Variants in CTNNA3 observed in about 807,000 individuals in gnomAD.
The protein encoded by CTNNA3 is catenin alpha-3.
A neutral mutation model predicts 95.7 loss-of-function variants in CTNNA3; 76 were observed. The observed-to-expected ratio is 0.79, with a 90% CI of 0.66 to 0.96. The LOEUF (loss-of-function observed/expected upper bound fraction) is 0.96. CTNNA3 is among the 40% of genes least tolerant of loss of function. The pLI is 0.00. For synonymous variants in CTNNA3, 431 were observed against 374.4 expected (o/e 1.15, Z -1.74); for missense variants, 1,191 against 1,089.8 (o/e 1.09, Z -1.31).
chr10:66,809,052 A>T (rs79095892), intron 7 of CTNNA3, among the ~76,000 whole-genome samples: 2 of 151,768 alleles, frequency 1.3e-5, no homozygotes, highest in Admixed American at 6.6e-5. Flanking sequence ...TTATATGAAG[A>T]CTCTCAGTGT....
At chr10:67,206,251 T>A (rs1863896879) in intron 6 of CTNNA3, among the ~76,000 whole-genome samples, 1 of 152,198 alleles carries the variant, frequency 6.6e-6, no homozygotes, top group Non-Finnish European at 1.5e-5. Flanking sequence ...AGAACATGTA[T>A]CTAATGGGTT....
intron 2 of CTNNA3, among the ~76,000 whole-genome samples, chr10:67,611,928 G>T (rs566708182): frequency 1.3e-5 from 2 of 152,116 alleles, no homozygotes; most frequent in Non-Finnish European, 2.9e-5. Context: ...AATTAGAAGG[G>T]TAGAAAAATA....
intron 12 of CTNNA3, among the ~76,000 whole-genome samples, chr10:66,333,919 G>T (rs1426522374): frequency 6.6e-6 from 1 of 151,972 alleles, no homozygotes; most frequent in East Asian, 1.9e-4. Context: ...GCTCCTGTAT[G>T]TGGTGTATAT....
intron 9 of CTNNA3, among the ~76,000 whole-genome samples, chr10:66,657,830 A>G (rs543278735): frequency 6.6e-6 from 1 of 152,324 alleles, no homozygotes; most frequent in East Asian, 1.9e-4. Flanking sequence ...TTACAAAGCT[A>G]CCGTATGGGA....
chr10:66,507,666 C>A (rs1170468766), intron 11 of CTNNA3, among the ~76,000 whole-genome samples: 1 of 152,020 alleles, frequency 6.6e-6, no homozygotes, highest in Admixed American at 6.6e-5. Context: ...ATGTTACCAA[C>A]GACAATATTT....
chr10:66,748,350 C>A (rs1259937959), intron 9 of CTNNA3, among the ~76,000 whole-genome samples: 1 of 152,072 alleles, frequency 6.6e-6, no homozygotes, highest in African/African-American at 2.4e-5. Flanking sequence ...CTGCTCCTTG[C>A]CAATGTAGTT....
chr10:66,709,787 C>T (rs1037978373), intron 9 of CTNNA3, among the ~76,000 whole-genome samples: 3 of 151,992 alleles, frequency 2.0e-5, no homozygotes, highest in African/African-American at 7.2e-5. Flanking sequence ...ACATGAAGTA[C>T]ATATTAAGAG....
At position 66,220,204 on chromosome 10, in the gene CTNNA3, G is replaced by A. The variant is rs868002903; in HGVS notation, c.1884+60266C>T. On this transcript the variant is annotated intron_variant, in intron 13 of 17. Coordinates refer to ENST00000433211, the MANE Select transcript of CTNNA3 (RefSeq NM_013266.4). The stretch of plus-strand genomic sequence containing the variant: ...AGATTTATCTGACACAGAAATAACT[G>A]GAGTTTTTCCCAAAAAATGTGGTTT... Among the ~76,000 whole-genome samples the A allele has an allele frequency of 2.0e-5, 3 of 150,128 alleles. No homozygotes were observed. In the South Asian group the frequency reaches 6.5e-4, roughly 32 times the overall value.
chr10:66,263,551 A>T (rs1005530088), intron 13 of CTNNA3, among the ~76,000 whole-genome samples: 3 of 152,138 alleles, frequency 2.0e-5, no homozygotes, highest in Middle Eastern at 6.8e-3. Context: ...TATTGTAAGG[A>T]CAACATAAAG....
intron 7 of CTNNA3, among the ~76,000 whole-genome samples, chr10:67,157,160 G>A (rs1213938567): frequency 6.6e-6 from 1 of 152,038 alleles, no homozygotes; most frequent in East Asian, 1.9e-4. Context: ...AAGTTAAATT[G>A]TCTCTGAAGA....
intron 9 of CTNNA3, among the ~76,000 whole-genome samples, chr10:66,710,232 C>G (rs536604155): frequency 6.6e-6 from 1 of 152,260 alleles, no homozygotes; most frequent in African/African-American, 2.4e-5. Context: ...CTGCAGGCAT[C>G]TCAAGGTCAC....
At chr10:65,958,473 T>C (rs1366962605) in intron 17 of CTNNA3, among the ~76,000 whole-genome samples, 4 of 152,206 alleles carry the variant, frequency 2.6e-5, no homozygotes, top group East Asian at 3.9e-4. Context: ...GATGCTCTGA[T>C]TTTTAGAATT....
chr10:66,244,790 G>A (rs561957585), intron 13 of CTNNA3, among the ~76,000 whole-genome samples: 9 of 152,300 alleles, frequency 5.9e-5, no homozygotes, highest in Non-Finnish European at 1.0e-4. Context: ...AAGGCAGACT[G>A]TGAAGACTAA....
chr10:66,613,696 A>G (rs546500537), intron 10 of CTNNA3, among the ~76,000 whole-genome samples: 4 of 151,936 alleles, frequency 2.6e-5, no homozygotes, highest in African/African-American at 9.7e-5. Flanking sequence ...ACCTCATTTA[A>G]GTCTTTTTTA....
chr10:67,596,597 G>A (rs1157298506), intron 3 of CTNNA3, among the ~76,000 whole-genome samples: 1 of 152,188 alleles, frequency 6.6e-6, no homozygotes, highest in Non-Finnish European at 1.5e-5. Context: ...ATATAGGCCT[G>A]TAGTCTCTTC....
Position 65,966,677 on chromosome 10 carries a change from G to C in CTNNA3, c.2335C>G (p.Leu779Val), listed in dbSNP as rs1405320176. 1.2e-6 allele frequency: 2 copies of C among 1,613,876 alleles called. No individual in the cohort carries two copies. Among genetic ancestry groups the C allele is most frequent in the Non-Finnish European group, 1.7e-6 (2 of 1,179,820 alleles). Residue 779 changes from leucine (L) to valine (V), a missense_variant, in exon 17 of 18, where the codon CTG becomes GTG. Transcript: ENST00000433211. ...GCTTTAACTTGACTGCAGATTTTCA[G>C]TTGGTGGGAGTAGAACTTAATCTGT... is the stretch of plus-strand genomic sequence containing the variant. ...LEQIKFYSHQ[L>V]KICSQVKAEI...
intron 10 of CTNNA3, among the ~76,000 whole-genome samples, chr10:66,535,369 C>T (rs879395286): frequency 2.0e-5 from 3 of 152,108 alleles, no homozygotes; most frequent in Non-Finnish European, 2.9e-5. Context: ...GGCTATGGTT[C>T]TTAATTACAG....
chr10:67,369,633 A>G (rs1843343853), intron 5 of CTNNA3, among the ~76,000 whole-genome samples: 1 of 152,230 alleles, frequency 6.6e-6, no homozygotes, highest in African/African-American at 2.4e-5. Context: ...AAAAGCTCCT[A>G]AAAATCAGTA....
intron 5 of CTNNA3, among the ~76,000 whole-genome samples, chr10:67,511,031 C>T (rs908172767): frequency 6.6e-6 from 1 of 152,098 alleles, no homozygotes; most frequent in Non-Finnish European, 1.5e-5. Context: ...GTGATTTTTG[C>T]ACATTGATTT....
Sources: allele counts gnomAD v4.1 joint callset (sites outside exome capture counted in the v4.1 genomes callset), GRCh38; gene constraint gnomAD v4.1.1; transcripts MANE v1.5; gene names NCBI Gene and HGNC (gene_info 2026-07-23, HGNC 2026-07-21).